Variants in FNDC3B observed in about 807,000 individuals in gnomAD.
FNDC3B encodes the protein fibronectin type III domain containing 3B.
Under a neutral mutation model 151.5 loss-of-function variants are expected in FNDC3B, and 12 were observed. That is an observed-to-expected ratio of 0.08 (90% CI 0.05 to 0.13). The LOEUF is 0.13. Ranked by LOEUF, FNDC3B falls within the 10% of genes least tolerant of loss-of-function variation. The probability of loss-of-function intolerance (pLI) is 1.00; values close to 1 mark genes in which losing one functional copy is unlikely to be tolerated. For missense variants in FNDC3B, 1,214 were observed against 1,505.3 expected (o/e 0.81, Z 3.20); for synonymous variants, 528 against 549.0 (o/e 0.96, Z 0.54).
intron 3 of FNDC3B, among the ~76,000 whole-genome samples, chr3:172,161,901 G>T (rs189146512): frequency 1.3e-5 from 2 of 152,038 alleles, no homozygotes. Context: ...TATCTTTAGA[G>T]AGTTGCTTAT....
chr3:172,187,631 G>A (rs998120101), intron 3 of FNDC3B, among the ~76,000 whole-genome samples: 1 of 152,188 alleles, frequency 6.6e-6, no homozygotes, highest in African/African-American at 2.4e-5. Flanking sequence ...AGATGTGTTT[G>A]GGTAACTTCT....
rs376503463 is a variant in FNDC3B, at chr3:172,239,610, T to A, written c.265-7923T>A. On this transcript the variant is annotated intron_variant, in intron 4 of 25. Coordinates refer to ENST00000415807, the MANE Select transcript of FNDC3B (RefSeq NM_022763.4). Reference sequence around the variant, plus strand: ...CCTGGGCCATCTGGGGAAGCCTTTTTAATTTTTTCTTTTGCCTCCTGCCTT... The same window carrying A: ...CCTGGGCCATCTGGGGAAGCCTTTTAAATTTTTTCTTTTGCCTCCTGCCTT... 2.0e-4 allele frequency among the ~76,000 whole-genome samples: 30 copies of A among 152,230 alleles called. 1 individual carries two copies. Among genetic ancestry groups the A allele is most frequent in the African/African-American group, 7.0e-4 (29 of 41,544 alleles).
In FNDC3B at chr3:172,293,505, A is replaced by G. The variant is rs988769321; in HGVS notation, c.850-1858A>G. Among the ~76,000 whole-genome samples, 7 of 152,326 alleles carry G rather than the reference A, an allele frequency of 4.6e-5. 1 individual carries two copies. The highest frequency in any genetic ancestry group is 4.6e-4 in the Admixed American group (7 of 15,296). The stretch of plus-strand genomic sequence containing the variant: ...CATTTACTAAGCAACCACTGATCAC[A>G]GTTGACTATGACTTGGATTCTGTCC... On this transcript the variant is annotated intron_variant, in intron 7 of 25. Coordinates refer to ENST00000415807, the MANE Select transcript of FNDC3B (RefSeq NM_022763.4).
intron 9 of FNDC3B, chr3:172,302,660 AC>A (rs1189950851): frequency 2.0e-5 from 3 of 152,204 alleles, no homozygotes; most frequent in Non-Finnish European, 4.4e-5. Flanking sequence ...ATTTAGGAAG[AC>A]CTTTATTAAA....
chr3:172,252,503 G>A (rs1262472079), intron 6 of FNDC3B, among the ~76,000 whole-genome samples: 1 of 151,062 alleles, frequency 6.6e-6, no homozygotes, highest in African/African-American at 2.4e-5. Flanking sequence ...AACACTCATT[G>A]AATTTATGGA....
intron 3 of FNDC3B, among the ~76,000 whole-genome samples, chr3:172,194,419 G>A (rs1288388571): frequency 1.3e-5 from 2 of 152,110 alleles, no homozygotes; most frequent in African/African-American, 4.8e-5. Context: ...ACATGTTTTT[G>A]TTTTTGGTTA....
intron 13 of FNDC3B, among the ~76,000 whole-genome samples, chr3:172,331,052 G>T (rs910035913): frequency 3.3e-5 from 5 of 152,174 alleles, no homozygotes; most frequent in Non-Finnish European, 7.3e-5. Context: ...CTCACCTGTG[G>T]ATTATTGCAA....
intron 9 of FNDC3B, among the ~76,000 whole-genome samples, chr3:172,300,639 T>C (rs1202538831): frequency 6.6e-6 from 1 of 152,082 alleles, no homozygotes; most frequent in African/African-American, 2.4e-5. Context: ...GGGCCTTGGG[T>C]CTAGACTTTC....
At position 172,080,514 on chromosome 3, in the gene FNDC3B, G is replaced by A. The variant is rs947470375; in HGVS notation, c.-28-31938G>A. 2.6e-5 allele frequency among the ~76,000 whole-genome samples: 4 copies of A among 152,050 alleles called. No individual in the cohort carries two copies. In the East Asian group the frequency reaches 7.7e-4, roughly 29 times the overall value. On this transcript the variant is annotated intron_variant, in intron 1 of 25. Coordinates refer to ENST00000415807, the MANE Select transcript of FNDC3B (RefSeq NM_022763.4). ...GCTGGTCTTGAACTCCTGGTCTCAG[G>A]CAGTCTTCCTGCCTCAGCCTCCCAA... is the stretch of plus-strand genomic sequence containing the variant.
At chr3:172,043,006 C>T (rs774354011) in intron 1 of FNDC3B, among the ~76,000 whole-genome samples, 2 of 151,806 alleles carry the variant, frequency 1.3e-5, no homozygotes, top group Non-Finnish European at 2.9e-5. Context: ...CCTCCGCCTC[C>T]CGGATTCAAG....
intron 3 of FNDC3B, among the ~76,000 whole-genome samples, chr3:172,137,061 G>C (rs1475408222): frequency 6.6e-6 from 1 of 152,106 alleles, no homozygotes; most frequent in Non-Finnish European, 1.5e-5. Flanking sequence ...TGGAAATTTT[G>C]AAGTCATACC....
At chr3:172,293,446 C>A (rs969784519) in intron 7 of FNDC3B, among the ~76,000 whole-genome samples, 3 of 152,202 alleles carry the variant, frequency 2.0e-5, no homozygotes, top group Middle Eastern at 3.2e-3. Flanking sequence ...GAAACTCAGA[C>A]TATCTTATTT....
intron 6 of FNDC3B, among the ~76,000 whole-genome samples, chr3:172,281,404 C>T (rs1035283418): frequency 2.6e-5 from 4 of 152,084 alleles, no homozygotes; most frequent in African/African-American, 9.7e-5. Flanking sequence ...GCCACCACGC[C>T]CGGCTAATGC....
intron 1 of FNDC3B, among the ~76,000 whole-genome samples, chr3:172,055,873 A>G (rs574940050): frequency 1.3e-5 from 2 of 151,740 alleles, no homozygotes; most frequent in East Asian, 1.9e-4. Context: ...CTCTGCCTCC[A>G]GGGTTCACTC....
intron 2 of FNDC3B, among the ~76,000 whole-genome samples, chr3:172,115,482 A>T (rs1235701680): frequency 6.6e-6 from 1 of 152,202 alleles, no homozygotes; most frequent in East Asian, 1.9e-4. Flanking sequence ...GCCTGCCCTT[A>T]AGAGCCTGCG....
intron 3 of FNDC3B, among the ~76,000 whole-genome samples, chr3:172,212,948 G>A (rs542154029): frequency 6.6e-6 from 1 of 152,062 alleles, no homozygotes; most frequent in African/African-American, 2.4e-5. Flanking sequence ...CACGAGGACA[G>A]TTGGAAAACA....
chr3:172,203,492 T>C (rs1274158371), intron 3 of FNDC3B, among the ~76,000 whole-genome samples: 1 of 152,262 alleles, frequency 6.6e-6, no homozygotes, highest in African/African-American at 2.4e-5. Context: ...TTCTGAGCCA[T>C]CAATTCTTAA....
At chr3:172,288,903 G>A (rs13326561) in intron 7 of FNDC3B, among the ~76,000 whole-genome samples, 8,496 of 152,198 alleles carry the variant, frequency 0.056, 496 homozygotes, top group African/African-American at 0.15. Flanking sequence ...TGGGCTGAAG[G>A]CATATCAGAC....
At chr3:172,116,166 C>T (rs922790671) in intron 2 of FNDC3B, among the ~76,000 whole-genome samples, 3 of 152,150 alleles carry the variant, frequency 2.0e-5, no homozygotes, top group Admixed American at 2.0e-4. Context: ...ATCCTCATTA[C>T]GAATGAAGCT....
Sources: gnomAD v4.1 joint callset for allele counts (sites outside exome capture counted in the v4.1 genomes callset) on GRCh38, gnomAD v4.1.1 for gene constraint, MANE v1.5 for transcripts, NCBI Gene and HGNC (gene_info 2026-07-23, HGNC 2026-07-21) for gene names.